Variants in SQOR observed in about 807,000 individuals in gnomAD.
The protein encoded by SQOR is sulfide:quinone oxidoreductase, mitochondrial.
Under a neutral mutation model 48.6 loss-of-function variants are expected in SQOR, and 39 were observed. The observed-to-expected ratio is 0.80, with a 90% CI of 0.62 to 1.05. SQOR has a LOEUF of 1.05. Among genes scored for constraint, SQOR ranks in the 50% least tolerant of loss-of-function variants. SQOR has a pLI of 0.00. For missense variants in SQOR, 561 were observed against 559.9 expected, an observed-to-expected ratio of 1.00 and a Z score of -0.02; for synonymous variants, 220 against 206.2, an observed-to-expected ratio of 1.07 and a Z score of -0.57.
In SQOR at chr15:45,676,324, C is replaced by T. The variant is rs982667646; in HGVS notation, c.864+14C>T. The T allele has an allele frequency of 1.9e-6, 3 of 1,613,142 alleles. No individual in the cohort carries two copies. The highest frequency in any genetic ancestry group is 3.3e-5 in the Admixed American group (2 of 59,888). On this transcript the variant is annotated intron_variant, in intron 6 of 9. Transcript: ENST00000260324. ...CAAGTGATTTCAGTGAGTGGTGAGG[C>T]TAAGCTGTCAGCATGAAGCGTTGTC...
Position 45,656,702 on chromosome 15 carries a change from A to T in SQOR, c.-17-2205A>T, listed in dbSNP as rs147725960. On this transcript the variant is annotated intron_variant, in intron 1 of 9. Transcript: ENST00000260324. Reference sequence around the variant, plus strand: ...GAGAAAACCACTTGCCAGTGTTAAAATTTTGGCTTTGTTTTTTCTAATATA... The same window carrying T: ...GAGAAAACCACTTGCCAGTGTTAAATTTTTGGCTTTGTTTTTTCTAATATA... Among the ~76,000 whole-genome samples, 48 of 152,266 alleles carry T rather than the reference A, an allele frequency of 3.2e-4. 1 individual carries two copies. The highest frequency in any genetic ancestry group is 1.1e-3 in the African/African-American group (47 of 41,534).
At position 45,658,923 on chromosome 15, in the gene SQOR, G is replaced by A; in HGVS notation, c.-1G>A. On this transcript the variant is annotated 5_prime_UTR_variant, in exon 2 of 10. Transcript: ENST00000260324. ...CCCTTCCAGCCTGATCCTGCCTGAA[G>A]ATGGTGCCACTGGTGGCTGTGGTAT... 1.9e-6 allele frequency: 3 copies of A among 1,551,960 alleles called. No individual in the cohort carries two copies. The highest frequency in any genetic ancestry group is 2.6e-6 in the Non-Finnish European group (3 of 1,143,792).
chr15:45,651,607 G>A (rs1889492134), intron 1 of SQOR, among the ~76,000 whole-genome samples: 1 of 152,232 alleles, frequency 6.6e-6, no homozygotes, highest in Non-Finnish European at 1.5e-5. Flanking sequence ...CTACAGGCAT[G>A]TGCCACTATG....
Position 45,669,885 on chromosome 15 carries a change from C to T in SQOR, c.406-43C>T, listed in dbSNP as rs142850906. On this transcript the variant is annotated intron_variant, in intron 3 of 9. Transcript: ENST00000260324. ...GCCTGAGTCAGTCCTTGAGTTGATG[C>T]TTCTTGAGTCCTGGTCTAAAATAAT... 269 of 1,572,192 alleles carry T rather than the reference C, an allele frequency of 1.7e-4. 3 individuals carry two copies. The East Asian group carries it at 5.9e-3, about 34-fold the overall frequency.
chr15:45,659,367 C>T (rs1040658602), intron 2 of SQOR, among the ~76,000 whole-genome samples: 4 of 151,814 alleles, frequency 2.6e-5, no homozygotes, highest in African/African-American at 9.7e-5. Flanking sequence ...GATCTCTTGG[C>T]TTTTAGTGTT....
chr15:45,655,373 C>T (rs988061367), intron 1 of SQOR, among the ~76,000 whole-genome samples: 9 of 152,148 alleles, frequency 5.9e-5, no homozygotes, highest in Non-Finnish European at 1.0e-4. Flanking sequence ...TGCTGTGATT[C>T]TATCATTCTG....
chr15:45,683,890 A>ATT (rs1555402346), intron 7 of SQOR, among the ~76,000 whole-genome samples: 1 of 133,854 alleles, frequency 7.5e-6, no homozygotes, highest in African/African-American at 2.5e-5. Flanking sequence ...ATATATATAT[A>ATT]TTTTTGTTTG....
chr15:45,634,225 T>TATATATATA (rs1566912034), upstream of SQOR, among the ~76,000 whole-genome samples: 24 of 125,846 alleles, frequency 1.9e-4, no homozygotes, highest in Non-Finnish European at 3.0e-4. Context: ...TATATATATA[T>TATATATATA]TCAAAATTCA....
At chr15:45,673,547 C>A in intron 4 of SQOR, 60 bp from the exon 5 acceptor site, 1 of 1,535,852 alleles carries the variant, frequency 6.5e-7, no homozygotes, top group Admixed American at 1.8e-5. Flanking sequence ...TGGCAAAGAA[C>A]AAGGACTCTA....
At chr15:45,667,937 C>G (rs1347547872) in intron 3 of SQOR, among the ~76,000 whole-genome samples, 1 of 99,530 alleles carries the variant, frequency 1.0e-5, no homozygotes, top group African/African-American at 3.4e-5. Context: ...TTCTTTCTTT[C>G]TTTCTTTTTT....
intron 3 of SQOR, among the ~76,000 whole-genome samples, chr15:45,665,644 T>C (rs1393571002): frequency 6.6e-6 from 1 of 151,128 alleles, no homozygotes; most frequent in Non-Finnish European, 1.5e-5. Flanking sequence ...AGTGCAGTGG[T>C]GTGATCTTGG....
intron 5 of SQOR, among the ~76,000 whole-genome samples, chr15:45,674,201 C>G (rs1192617395): frequency 6.6e-6 from 1 of 152,116 alleles, no homozygotes; most frequent in Non-Finnish European, 1.5e-5. Context: ...CTTTGGGAGG[C>G]CAAGGTGGGT....
At chr15:45,688,057 G>A (rs1890253320) in intron 7 of SQOR, among the ~76,000 whole-genome samples, 1 of 152,162 alleles carries the variant, frequency 6.6e-6, no homozygotes. Flanking sequence ...AACCCCAAGA[G>A]GAGAGGCAGT....
chr15:45,689,150 G>C lies in SQOR; in HGVS notation c.1228G>C (p.Glu410Gln). The stretch of plus-strand genomic sequence containing the variant: ...AACCTTCCCCTTTGATCAAAGCAAA[G>C]AGCGCCTTTCCATGTATCTCATGAA... The part of the protein sequence containing the change: ...LETFPFDQSK[E>Q]RLSMYLMKAD... Residue 410 changes from glutamate to glutamine, a missense_variant, in exon 9 of 10, where the codon GAG (glutamate) becomes CAG (glutamine). Glu to Gln is a conservative substitution (Grantham distance 29). Transcript: ENST00000260324. 1 of 1,614,116 alleles carries C rather than the reference G, an allele frequency of 6.2e-7. No homozygotes were observed. Among genetic ancestry groups the C allele is most frequent in the Non-Finnish European group, 8.5e-7 (1 of 1,180,030 alleles).
chr15:45,659,915 C>T (rs1889689960), intron 2 of SQOR, among the ~76,000 whole-genome samples: 1 of 152,184 alleles, frequency 6.6e-6, no homozygotes, highest in South Asian at 2.1e-4. Context: ...ATGGCCACTG[C>T]ACTTGCCTAT....
At chr15:45,662,711 C>A (rs76981839) in intron 3 of SQOR, among the ~76,000 whole-genome samples, 1 of 152,142 alleles carries the variant, frequency 6.6e-6, no homozygotes. Context: ...CAGCAGTGGC[C>A]GCCCCATGTT....
chr15:45,670,373 CA>C (rs1343570967), intron 4 of SQOR, among the ~76,000 whole-genome samples: 10 of 152,170 alleles, frequency 6.6e-5, no homozygotes, highest in Admixed American at 3.3e-4. Flanking sequence ...AGGGGTGGAA[CA>C]CCAGCAGTTA....
chr15:45,687,556 G>A (rs1399420403), intron 7 of SQOR, among the ~76,000 whole-genome samples: 1 of 152,110 alleles, frequency 6.6e-6, no homozygotes, highest in Non-Finnish European at 1.5e-5. Flanking sequence ...AGATTTATGA[G>A]TGAACTGATG....
At chr15:45,631,426 C>T (rs1036542696), upstream of SQOR, among the ~76,000 whole-genome samples, 1 of 152,194 alleles carries the variant, frequency 6.6e-6, no homozygotes, top group Non-Finnish European at 1.5e-5. Context: ...CCACAAGTCT[C>T]ATTGCTTAGC....
Sources: gnomAD v4.1 joint callset for allele counts (sites outside exome capture counted in the v4.1 genomes callset) on GRCh38, gnomAD v4.1.1 for gene constraint, MANE v1.5 for transcripts, NCBI Gene and HGNC (gene_info 2026-07-23, HGNC 2026-07-21) for gene names.